The following RAPGEF6 variants were observed in gnomAD, a reference collection of about 807,000 sequenced individuals.
RAPGEF6 encodes PDZ domain containing guanine nucleotide exchange factor (GEF) 2.
In RAPGEF6, 56 loss-of-function variants were observed where a neutral mutation model predicts 171.4. That is an observed-to-expected ratio of 0.33 (90% CI 0.26 to 0.41). The LOEUF (loss-of-function observed/expected upper bound fraction) is 0.41, where lower values mean the gene tolerates loss of function less well. RAPGEF6 is among the 10% of genes least tolerant of loss of function. The probability of loss-of-function intolerance (pLI) is 1.00; values close to 1 mark genes in which losing one functional copy is unlikely to be tolerated. For synonymous variants in RAPGEF6, 692 were observed against 650.1 expected (o/e 1.06, Z -0.98); for missense variants, 1,674 against 1,921.4 (o/e 0.87, Z 2.41).
Position 131,424,344 on chromosome 5 carries a change from C to CTTTTTTTT in RAPGEF6, c.*2921_*2922insAAAAAAAA, listed in dbSNP as rs1751299582. 6.6e-6 allele frequency: 1 copy of CTTTTTTTT among 152,324 alleles called. No individual in the cohort carries two copies. Among genetic ancestry groups the CTTTTTTTT allele is most frequent in the Non-Finnish European group, 1.5e-5 (1 of 68,026 alleles). The allele number at this position is 152,324 out of a possible 1,614,324, so 9.4% of individuals were successfully genotyped here. ...TTAAATTTGAACATGTACTGTGACA[C>CTTTTTTTT]TTTTGACACTTTTCTGAAGATTTAT... On this transcript the variant is annotated 3_prime_UTR_variant, in exon 28 of 28. Transcript: ENST00000509018.
intron 19 of RAPGEF6, 91 bp from the exon 20 acceptor site, chr5:131,456,103 T>A (rs1160142552): frequency 2.9e-5 from 25 of 864,058 alleles, no homozygotes; most frequent in Non-Finnish European, 4.1e-5. Context: ...CTAATAAAAG[T>A]AAAAATAAGC....
intron 5 of RAPGEF6, among the ~76,000 whole-genome samples, chr5:131,560,409 T>A (rs1005741510): frequency 5.9e-5 from 9 of 152,162 alleles, no homozygotes; most frequent in African/African-American, 2.2e-4. Context: ...TTCCTCCTCA[T>A]ATGAAAATAT....
chr5:131,528,602 C>T (rs969136543), intron 6 of RAPGEF6, among the ~76,000 whole-genome samples: 2 of 151,482 alleles, frequency 1.3e-5, no homozygotes, highest in African/African-American at 4.9e-5. Context: ...AAGTAATCTC[C>T]CCACTTTAAT....
In RAPGEF6 at chr5:131,634,401, A is replaced by T. The variant is rs189260304; in HGVS notation, c.69+561T>A. 2.0e-5 allele frequency among the ~76,000 whole-genome samples: 3 copies of T among 152,348 alleles called. No individual in the cohort carries two copies. In the East Asian group the frequency reaches 5.8e-4, roughly 29 times the overall value. ...ACAGCAAATTTTGGATCCAAGTACA[A>T]AATACTGTAAAATTTCCCAGTGACA... On this transcript the variant is annotated intron_variant, in intron 1 of 27. Coordinates refer to ENST00000509018, the MANE Select transcript of RAPGEF6 (RefSeq NM_016340.6).
chr5:131,590,060 C>G (rs1763499543), intron 4 of RAPGEF6, among the ~76,000 whole-genome samples: 1 of 152,158 alleles, frequency 6.6e-6, no homozygotes, highest in Non-Finnish European at 1.5e-5. Flanking sequence ...CTGCTTTATC[C>G]TTCTTAGTAG....
At chr5:131,517,943 T>C (rs926478158) in intron 7 of RAPGEF6, among the ~76,000 whole-genome samples, 10 of 152,090 alleles carry the variant, frequency 6.6e-5, no homozygotes, top group African/African-American at 2.4e-4. Flanking sequence ...CTCCTTTAAA[T>C]ATTTTCCAAT....
At chr5:131,610,015 T>A (rs1238587145) in intron 1 of RAPGEF6, among the ~76,000 whole-genome samples, 1 of 152,154 alleles carries the variant, frequency 6.6e-6, no homozygotes, top group Non-Finnish European at 1.5e-5. Context: ...CACAGAACGC[T>A]GTAATAACCT....
rs190571821 is a variant in RAPGEF6, at chr5:131,486,517, T to G, written c.1840+3029A>C. Reference sequence around the variant, plus strand: ...CTCTGGGATATTCTCTGCTATTATTTCCTAAACATCTTCTTCCTTACATTT... The same window carrying G: ...CTCTGGGATATTCTCTGCTATTATTGCCTAAACATCTTCTTCCTTACATTT... On this transcript the variant is annotated intron_variant, in intron 15 of 27. Coordinates refer to ENST00000509018, the MANE Select transcript of RAPGEF6 (RefSeq NM_016340.6). Among the ~76,000 whole-genome samples, 86 of 152,290 alleles carry G rather than the reference T, an allele frequency of 5.6e-4. 1 individual carries two copies. In the East Asian group the frequency reaches 0.014, roughly 25 times the overall value.
chr5:131,537,762 T>A (rs138843195), intron 6 of RAPGEF6, among the ~76,000 whole-genome samples: 1 of 152,212 alleles, frequency 6.6e-6, no homozygotes, highest in African/African-American at 2.4e-5. Context: ...TTGAAGAAAC[T>A]GCAGACAGAA....
intron 11 of RAPGEF6, among the ~76,000 whole-genome samples, chr5:131,500,293 T>C (rs1372847092): frequency 6.6e-6 from 1 of 152,234 alleles, no homozygotes; most frequent in Non-Finnish European, 1.5e-5. Context: ...AGGTCATTCC[T>C]ATTCTCCTAT....
At chr5:131,491,897 C>A (rs548783639) in intron 14 of RAPGEF6, among the ~76,000 whole-genome samples, 1 of 152,248 alleles carries the variant, frequency 6.6e-6, no homozygotes, top group East Asian at 1.9e-4. Flanking sequence ...GTTAAAAATA[C>A]AGATGTTCAG....
intron 1 of RAPGEF6, among the ~76,000 whole-genome samples, chr5:131,607,400 A>G (rs1035599599): frequency 6.6e-6 from 1 of 152,236 alleles, no homozygotes; most frequent in Non-Finnish European, 1.5e-5. Flanking sequence ...AGTCTCAGCC[A>G]TAATATTGCT....
intron 6 of RAPGEF6, among the ~76,000 whole-genome samples, chr5:131,528,021 T>C (rs1344360030): frequency 7.3e-6 from 1 of 137,110 alleles, no homozygotes; most frequent in Non-Finnish European, 1.5e-5. Context: ...TGTCAAAAAA[T>C]AATAATAATT....
intron 11 of RAPGEF6, among the ~76,000 whole-genome samples, chr5:131,504,277 G>A (rs1344410814): frequency 6.6e-6 from 1 of 151,974 alleles, no homozygotes; most frequent in Non-Finnish European, 1.5e-5. Flanking sequence ...GCCTGGCCAA[G>A]ATGGTGAAAC....
intron 1 of RAPGEF6, among the ~76,000 whole-genome samples, chr5:131,618,471 T>A (rs1765406858): frequency 6.7e-6 from 1 of 150,080 alleles, no homozygotes; most frequent in African/African-American, 2.4e-5. Flanking sequence ...ATCTCTACTT[T>A]AAAAAAAAAT....
At chr5:131,505,654 A>T in intron 9 of RAPGEF6, 132 bp from the exon 10 acceptor site, 1 of 725,786 alleles carries the variant, frequency 1.4e-6, no homozygotes, top group Non-Finnish European at 2.2e-6. Flanking sequence ...ATTACCAAAC[A>T]CTCTGTAACA....
chr5:131,440,323 C>A (rs1752298051), intron 23 of RAPGEF6: 1 of 439,510 alleles, frequency 2.3e-6, no homozygotes. Flanking sequence ...CTATCATTAC[C>A]CTTGTCCAAT....
At chr5:131,516,067 T>C (rs1377535487) in intron 7 of RAPGEF6, among the ~76,000 whole-genome samples, 119 of 2,892 alleles carry the variant, frequency 0.041, no homozygotes, top group East Asian at 0.062. Flanking sequence ...TTTTTTTTTT[T>C]TTTTTTTTTT....
At position 131,544,216 on chromosome 5, in the gene RAPGEF6, T is replaced by C. The variant is rs367925460; in HGVS notation, c.495+3831A>G. 3.9e-5 allele frequency among the ~76,000 whole-genome samples: 6 copies of C among 152,192 alleles called. No homozygotes were observed. The East Asian group carries it at 9.7e-4, about 24-fold the overall frequency. On this transcript the variant is annotated intron_variant, in intron 6 of 27. Coordinates refer to ENST00000509018, the MANE Select transcript of RAPGEF6 (RefSeq NM_016340.6). ...CTCCTGGGTATTAACCTAAGAGAAA[T>C]GGAAGTATAAGTATCAGCAAAGATT...
Sources: allele counts gnomAD v4.1 joint callset (sites outside exome capture counted in the v4.1 genomes callset), GRCh38; gene constraint gnomAD v4.1.1; transcripts MANE v1.5; gene names NCBI Gene and HGNC (gene_info 2026-07-23, HGNC 2026-07-21).